Variants in MATK observed in about 807,000 individuals in gnomAD.
The protein encoded by MATK is megakaryocyte-associated tyrosine kinase, also known as megakaryocyte-associated tyrosine-protein kinase.
In MATK, 41 loss-of-function variants were observed where a neutral mutation model predicts 59.8. The observed-to-expected ratio is 0.69, with a 90% CI of 0.53 to 0.89. The LOEUF (loss-of-function observed/expected upper bound fraction) is 0.89, where lower values mean the gene tolerates loss of function less well. Ranked by LOEUF, MATK falls within the 40% of genes least tolerant of loss-of-function variation. MATK has a pLI of 0.00. For synonymous variants in MATK, 308 were observed against 306.1 expected, an observed-to-expected ratio of 1.01 and a Z score of -0.06; for missense variants, 593 against 719.6, an observed-to-expected ratio of 0.82 and a Z score of 2.01.
In MATK at chr19:3,785,204, G is replaced by A. The variant is rs780729859; in HGVS notation, c.-69C>T. 1.2e-6 allele frequency: 2 copies of A among 1,608,452 alleles called. No individual in the cohort carries two copies. The highest frequency in any genetic ancestry group is 1.7e-6 in the Non-Finnish European group (2 of 1,178,350). On this transcript the variant is annotated 5_prime_UTR_variant, in exon 2 of 14. Coordinates refer to ENST00000310132, the MANE Select transcript of MATK (RefSeq NM_139355.3). ...AAGTGGTCACAGTCGGGGACGCTGGGAATGGCCTGCCACAGGCCAGTCGGC... is the reference window on the plus strand; with the variant it reads ...AAGTGGTCACAGTCGGGGACGCTGGAAATGGCCTGCCACAGGCCAGTCGGC...
intron 1 of MATK, among the ~76,000 whole-genome samples, chr19:3,795,751 CTTTTTTTTTTTTTTT>C (rs530367941): frequency 1.8e-5 from 1 of 54,788 alleles, no homozygotes; most frequent in East Asian, 3.7e-4. Context: ...TAAGTAGGTG[CTTTTTTTTTTTTTTT>C]TTTTTTTTTT....
In MATK at chr19:3,783,169, C is replaced by T; in HGVS notation, c.633G>A (p.Lys211=). The part of the protein sequence containing the change: ...GAICTKLVRP[K]RKHGTKSAEE... Reference sequence around the variant, plus strand: ...CGGCCGACTTGGTCCCGTGTTTCCGCTTTGGTCTCACCAGCTTGGTGCAGA... The same window carrying T: ...CGGCCGACTTGGTCCCGTGTTTCCGTTTTGGTCTCACCAGCTTGGTGCAGA... Residue 211 remains lysine, a synonymous_variant, in exon 7 of 14, where the codon AAG becomes AAA. Transcript: ENST00000310132. 1 of 1,614,134 alleles carries T rather than the reference C, an allele frequency of 6.2e-7. No homozygotes were observed. The highest frequency in any genetic ancestry group is 8.5e-7 in the Non-Finnish European group (1 of 1,180,004).
rs1360890815 is a variant in MATK, at chr19:3,784,367, C to T, written c.217G>A (p.Asp73Asn). ...KPGELAFRKG[D>N]VVTILEACEN... ...CAGGCCTCCAGGATGGTGACCACGTCGCCCTTGCGGAAGGCCAGCTCCCCT... is the reference window on the plus strand; with the variant it reads ...CAGGCCTCCAGGATGGTGACCACGTTGCCCTTGCGGAAGGCCAGCTCCCCT... Residue 73 changes from aspartate to asparagine, a missense_variant, in exon 4 of 14, where the codon GAC (aspartate) becomes AAC (asparagine). Asp to Asn is a conservative substitution (Grantham distance 23). Coordinates refer to ENST00000310132, the MANE Select transcript of MATK (RefSeq NM_139355.3). 5 of 1,608,150 alleles carry T rather than the reference C, an allele frequency of 3.1e-6. No homozygotes were observed. Among genetic ancestry groups the T allele is most frequent in the Non-Finnish European group, 3.4e-6 (4 of 1,178,500 alleles).
intron 1 of MATK, among the ~76,000 whole-genome samples, chr19:3,798,125 C>T (rs966880587): frequency 6.6e-6 from 1 of 152,064 alleles, no homozygotes; most frequent in African/African-American, 2.4e-5. Flanking sequence ...GCTGTTATAT[C>T]CTCTATGAGC....
rs542678191 is a variant in MATK at position 3,786,267 on chromosome 19, T to G, written c.-250A>C. The G allele has an allele frequency of 8.2e-5, 81 of 985,054 alleles. No homozygotes were observed. In the East Asian group the frequency reaches 9.0e-3, roughly 110 times the overall value. 61.0% of individuals were successfully genotyped at this position (985,054 alleles called of 1,614,324 possible). ...CCGAGGCGGTCCCGGCTGCACAACT[T>G]GGAGCGAGTTGCTCCGTTTCCTCAT... On this transcript the variant is annotated 5_prime_UTR_variant, in exon 1 of 14. Coordinates refer to ENST00000310132, the MANE Select transcript of MATK (RefSeq NM_139355.3). This position sits in a 1 kb window ranked among gnomAD's most constrained non-coding sequence, Gnocchi z 4.1.
upstream of MATK, among the ~76,000 whole-genome samples, chr19:3,790,670 T>C (rs1321111488): frequency 3.9e-5 from 6 of 152,148 alleles, no homozygotes; most frequent in Non-Finnish European, 5.9e-5. Flanking sequence ...TTTCCACGCC[T>C]TTGCACTGGC....
intron 1 of MATK, among the ~76,000 whole-genome samples, chr19:3,794,861 C>T (rs2037577876): frequency 6.6e-6 from 1 of 152,118 alleles, no homozygotes. Context: ...CTCAGCTCTG[C>T]CATTTCAGGG....
chr19:3,782,298 A>C (rs11085040), intron 7 of MATK, among the ~76,000 whole-genome samples: 24,988 of 152,092 alleles, frequency 0.16, 2,474 homozygotes, highest in Admixed American at 0.3. Flanking sequence ...CCCTCCAGAA[A>C]GTGCCCCCTC....
intron 1 of MATK, among the ~76,000 whole-genome samples, chr19:3,801,160 T>G (rs2037639873): frequency 6.6e-6 from 1 of 152,220 alleles, no homozygotes; most frequent in South Asian, 2.1e-4. Context: ...GCATTTCGTT[T>G]GCAAAATTTG....
chr19:3,798,695 A>G (rs1337027600), intron 1 of MATK, among the ~76,000 whole-genome samples: 2 of 143,188 alleles, frequency 1.4e-5, no homozygotes, highest in Non-Finnish European at 3.0e-5. Flanking sequence ...TTTTTTTGGT[A>G]GAGACGGGAT....
intron 10 of MATK, 39 bp from the exon 11 acceptor site, chr19:3,779,490 G>T (rs1460647788): frequency 1.2e-6 from 2 of 1,611,390 alleles, no homozygotes; most frequent in Non-Finnish European, 1.7e-6. Context: ...TGTTGGGGCT[G>T]CTCCGCTGCG....
rs57068027 is a variant in MATK, at chr19:3,783,937, G to C, written c.459C>G (p.Pro153=). ...AGCTCACGCACAGGACGTAGTCGCC[G>C]GGGTGGCGCGCGGACTCCCGCACCA... The part of the protein sequence containing the change: ...LFLVRESARH[P]GDYVLCVSFG... The change falls in exon 6 of 14, where the codon CCC becomes CCG. Residue 153 remains proline (P), a synonymous_variant. Coordinates refer to ENST00000310132, the MANE Select transcript of MATK (RefSeq NM_139355.3). 9.5e-5 allele frequency: 154 copies of C among 1,612,676 alleles called. No homozygotes were observed. The African/African-American group carries it at 1.9e-3, about 20-fold the overall frequency.
At chr19:3,799,930 C>G (rs1378990691) in intron 1 of MATK, among the ~76,000 whole-genome samples, 2 of 151,458 alleles carry the variant, frequency 1.3e-5, no homozygotes, top group African/African-American at 2.4e-5. Context: ...ATCACGAGGT[C>G]AAGAGATCGA....
At chr19:3,796,889 C>T (rs1267062240) in intron 1 of MATK, among the ~76,000 whole-genome samples, 1 of 152,168 alleles carries the variant, frequency 6.6e-6, no homozygotes. Context: ...TTTCCAGCTT[C>T]TAGTCTTGGG....
At chr19:3,782,837 CAAG>C in intron 7 of MATK, 1 of 466,790 alleles carries the variant, frequency 2.1e-6, no homozygotes, top group Non-Finnish European at 3.9e-6. Flanking sequence ...GGAACCTGGC[CAAG>C]GAGGGAATGC....
At chr19:3,790,923 G>A (rs1263210544), upstream of MATK, among the ~76,000 whole-genome samples, 1 of 151,224 alleles carries the variant, frequency 6.6e-6, no homozygotes, top group Non-Finnish European at 1.5e-5. Context: ...GAGCCCATTA[G>A]CCTGCCTGAG....
At chr19:3,798,820 T>C (rs1157818096) in intron 1 of MATK, among the ~76,000 whole-genome samples, 1 of 151,238 alleles carries the variant, frequency 6.6e-6, no homozygotes, top group Admixed American at 6.6e-5. Context: ...CCTGTTTTTT[T>C]TTTAAGGCAG....
Position 3,796,641 on chromosome 19 carries a change from G to A in MATK, c.-58+4891C>T, listed in dbSNP as rs139608425. On this transcript the variant is annotated intron_variant, in intron 1 of 13. Coordinates refer to the MATK transcript ENST00000395045. ...CCACCAGAACTGACATCTCCACTCAGGACTTTCTCCTACTGCCCAGCTGTG... is the reference window on the plus strand; with the variant it reads ...CCACCAGAACTGACATCTCCACTCAAGACTTTCTCCTACTGCCCAGCTGTG... Among the ~76,000 whole-genome samples the A allele has an allele frequency of 4.5e-3, 681 of 152,218 alleles. 3 individuals carry two copies. Among genetic ancestry groups the A allele is most frequent in the South Asian group, 1.0e-2 (48 of 4,814 alleles).
rs757403090 is a variant in MATK at position 3,784,449 on chromosome 19, C to T, written c.135G>A (p.Arg45=). 4 of 1,592,366 alleles carry T rather than the reference C, an allele frequency of 2.5e-6. No individual in the cohort carries two copies. The African/African-American group carries it at 4.0e-5, about 16-fold the overall frequency. The change falls in exon 4 of 14, where the codon AGG becomes AGA. Residue 45 remains arginine (R), a splice_region_variant and synonymous_variant. Transcript: ENST00000310132. Reference sequence around the variant, plus strand: ...TACACTGGGTGCCCGGGGCCCAGCGCCTCTGCAGAGGGGGCCGGGAGAGGG... The same window carrying T: ...TACACTGGGTGCCCGGGGCCCAGCGTCTCTGCAGAGGGGGCCGGGAGAGGG... The part of the protein sequence containing the change: ...PPPVSARMPT[R]RWAPGTQCIT...
Sources: allele counts gnomAD v4.1 joint callset (sites outside exome capture counted in the v4.1 genomes callset), GRCh38; gene constraint gnomAD v4.1.1; non-coding constraint Gnocchi (gnomAD v3.1); transcripts MANE v1.5; gene names NCBI Gene and HGNC (gene_info 2026-07-23, HGNC 2026-07-21).